ZNF385D: variants seen among roughly 807,000 people sequenced by gnomAD.
ZNF385D encodes zinc finger protein 385D, also known as zinc finger protein 659.
In ZNF385D, 15 loss-of-function variants were observed where a neutral mutation model predicts 35.8. The observed-to-expected ratio is 0.42, with a 90% CI of 0.28 to 0.64. The LOEUF (loss-of-function observed/expected upper bound fraction) is 0.64. Among genes scored for constraint, ZNF385D ranks in the 30% least tolerant of loss-of-function variants. The probability of loss-of-function intolerance (pLI) is 0.23; values close to 1 mark genes in which losing one functional copy is unlikely to be tolerated. For synonymous variants in ZNF385D, 212 were observed against 186.8 expected, an observed-to-expected ratio of 1.13 and a Z score of -1.10; for missense variants, 474 against 494.6, an observed-to-expected ratio of 0.96 and a Z score of 0.39.
At chr3:21,426,688 C>T (rs868859011) in intron 5 of ZNF385D, among the ~76,000 whole-genome samples, 5 of 152,020 alleles carry the variant, frequency 3.3e-5, no homozygotes, top group African/African-American at 9.7e-5. Context: ...ATTGTACGTT[C>T]GGCAACCATT....
At chr3:21,884,889 T>G (rs1698463648) in intron 3 of ZNF385D, among the ~76,000 whole-genome samples, 1 of 145,400 alleles carries the variant, frequency 6.9e-6, no homozygotes, top group Non-Finnish European at 1.5e-5. Flanking sequence ...AGTATGACCC[T>G]CAATCCAAAA....
intron 3 of ZNF385D, among the ~76,000 whole-genome samples, chr3:22,009,345 T>C (rs76850645): frequency 0.16 from 25,010 of 152,012 alleles, 2,206 homozygotes; most frequent in Non-Finnish European, 0.19. Context: ...TAGATTTGGC[T>C]AGGCGAGGTG....
intron 2 of ZNF385D, among the ~76,000 whole-genome samples, chr3:22,178,946 C>T (rs894857327): frequency 2.4e-4 from 37 of 151,496 alleles, no homozygotes; most frequent in African/African-American, 8.7e-4. Context: ...TGGTCTATAT[C>T]TCTGTTTTGG....
At chr3:21,703,435 T>G (rs368672728) in intron 1 of ZNF385D, among the ~76,000 whole-genome samples, 1 of 152,048 alleles carries the variant, frequency 6.6e-6, no homozygotes, top group Non-Finnish European at 1.5e-5. Context: ...CAAACCATAT[T>G]AGTGTAGCTC....
chr3:21,946,225 T>C (rs1188393677), intron 3 of ZNF385D, among the ~76,000 whole-genome samples: 1 of 152,162 alleles, frequency 6.6e-6, no homozygotes, highest in Non-Finnish European at 1.5e-5. Context: ...ACCATTTCCA[T>C]CCTCTATTTA....
At chr3:21,677,952 G>A (rs1219682348) in intron 1 of ZNF385D, among the ~76,000 whole-genome samples, 1 of 151,960 alleles carries the variant, frequency 6.6e-6, no homozygotes, top group Non-Finnish European at 1.5e-5. Flanking sequence ...CATAAGCCAA[G>A]TATAAGAATC....
chr3:21,791,207 A>T (rs1027984410), intron 3 of ZNF385D, among the ~76,000 whole-genome samples: 2 of 151,938 alleles, frequency 1.3e-5, no homozygotes, highest in Non-Finnish European at 2.9e-5. Flanking sequence ...CACAATGGAC[A>T]TTTTTTTTAA....
intron 3 of ZNF385D, among the ~76,000 whole-genome samples, chr3:22,024,983 C>A (rs986484140): frequency 6.6e-6 from 1 of 152,060 alleles, no homozygotes; most frequent in African/African-American, 2.4e-5. Context: ...AAGTGGCTGA[C>A]CTGAAACAAA....
intron 4 of ZNF385D, among the ~76,000 whole-genome samples, chr3:21,468,498 G>A (rs1286706233): frequency 6.6e-6 from 1 of 151,018 alleles, no homozygotes; most frequent in Non-Finnish European, 1.5e-5. Flanking sequence ...GCATCACCAT[G>A]TAAATGGGTA....
chr3:21,466,009 G>T (rs541751804), intron 4 of ZNF385D, among the ~76,000 whole-genome samples: 2 of 152,164 alleles, frequency 1.3e-5, no homozygotes, highest in Non-Finnish European at 2.9e-5. Flanking sequence ...ATTTCTAATA[G>T]CAGAGTGGTC....
chr3:22,344,483 G>A (rs1435778739), intron 2 of ZNF385D, among the ~76,000 whole-genome samples: 2 of 152,026 alleles, frequency 1.3e-5, no homozygotes, highest in Admixed American at 6.6e-5. Flanking sequence ...TTGACCTCCC[G>A]GGCTCAAGTG....
intron 1 of ZNF385D, among the ~76,000 whole-genome samples, chr3:21,673,039 CA>C (rs1490743439): frequency 6.6e-6 from 1 of 152,196 alleles, no homozygotes; most frequent in Admixed American, 6.6e-5. Context: ...TATAGGAAAT[CA>C]AAAGATTTTG....
chr3:22,001,862 G>C (rs1695864557), intron 3 of ZNF385D, among the ~76,000 whole-genome samples: 1 of 151,434 alleles, frequency 6.6e-6, no homozygotes, highest in South Asian at 2.1e-4. Context: ...TATCAAAAAA[G>C]AAATTTTTAA....
chr3:21,775,957 G>A (rs1013513793), intron 3 of ZNF385D, among the ~76,000 whole-genome samples: 1 of 151,576 alleles, frequency 6.6e-6, no homozygotes, highest in Non-Finnish European at 1.5e-5. Flanking sequence ...ACTGCTAATA[G>A]TATTTTCTTT....
chr3:21,424,299 A>ATT (rs1260787283), intron 6 of ZNF385D, among the ~76,000 whole-genome samples: 989 of 79,634 alleles, frequency 0.012, 25 homozygotes, highest in African/African-American at 0.019. Flanking sequence ...ATATATATAT[A>ATT]TTTATATATA....
chr3:21,575,320 C>A lies in ZNF385D; in HGVS notation c.166-10636G>T, dbSNP rs141542331. 3.9e-5 allele frequency among the ~76,000 whole-genome samples: 6 copies of A among 152,024 alleles called. No homozygotes were observed. The East Asian group carries it at 1.2e-3, about 29-fold the overall frequency. Reference sequence around the variant, plus strand: ...TAATGGAGGTACACAAAAAGTCTTACGGTTACTTTGCTTTTGCCAAATAGC... The same window carrying A: ...TAATGGAGGTACACAAAAAGTCTTAAGGTTACTTTGCTTTTGCCAAATAGC... On this transcript the variant is annotated intron_variant, in intron 2 of 7. Coordinates refer to ENST00000281523, the MANE Select transcript of ZNF385D (RefSeq NM_024697.3).
At chr3:21,502,917 T>G (rs1185289276) in intron 4 of ZNF385D, among the ~76,000 whole-genome samples, 8 of 152,198 alleles carry the variant, frequency 5.3e-5, no homozygotes, top group Non-Finnish European at 1.2e-4. Flanking sequence ...ACGTATGCAG[T>G]GGGTCTTTTA....
intron 2 of ZNF385D, among the ~76,000 whole-genome samples, chr3:21,609,455 G>A (rs1006791627): frequency 3.9e-5 from 6 of 152,030 alleles, no homozygotes; most frequent in East Asian, 1.9e-4. Context: ...TATCCAAATC[G>A]GGTTTTCCAG....
At chr3:21,989,297 T>C (rs2336523) in intron 3 of ZNF385D, among the ~76,000 whole-genome samples, 25,463 of 152,162 alleles carry the variant, frequency 0.17, 5,399 homozygotes, top group African/African-American at 0.5. Context: ...ATTGTAGTTA[T>C]AATAAACTGG....
Sources: allele counts gnomAD v4.1 joint callset (sites outside exome capture counted in the v4.1 genomes callset), GRCh38; gene constraint gnomAD v4.1.1; transcripts MANE v1.5; gene names NCBI Gene and HGNC (gene_info 2026-07-23, HGNC 2026-07-21).